The following KAT6B variants were observed in gnomAD, a reference collection of about 807,000 sequenced individuals.
KAT6B encodes the protein histone acetyltransferase KAT6B.
A neutral mutation model predicts 187.5 loss-of-function variants in KAT6B; 10 were observed. The observed-to-expected ratio is 0.05, with a 90% confidence interval of 0.03 to 0.09. The LOEUF (loss-of-function observed/expected upper bound fraction) is 0.09. Ranked by LOEUF, KAT6B falls within the 10% of genes least tolerant of loss-of-function variation. The probability of loss-of-function intolerance (pLI) is 1.00; values close to 1 mark genes in which losing one functional copy is unlikely to be tolerated. For synonymous variants in KAT6B, 861 were observed against 926.8 expected, an observed-to-expected ratio of 0.93 and a Z score of 1.29; for missense variants, 1,952 against 2,558.9, an observed-to-expected ratio of 0.76 and a Z score of 5.12.
intron 3 of KAT6B, among the ~76,000 whole-genome samples, chr10:74,895,361 A>ATATTATTATTATTAT (rs10693929): frequency 3.3e-5 from 5 of 149,420 alleles, no homozygotes; most frequent in African/African-American, 9.9e-5. Flanking sequence ...CCCTTTAATC[A>ATATTATTATTATTAT]TATTATTATT....
chr10:74,890,760 A>G (rs1031558912), intron 3 of KAT6B, among the ~76,000 whole-genome samples: 11 of 151,658 alleles, frequency 7.3e-5, no homozygotes, highest in Admixed American at 5.3e-4. Context: ...TTGGTTACCA[A>G]TTTTTTTTTG....
intron 12 of KAT6B, among the ~76,000 whole-genome samples, chr10:74,987,145 A>T (rs1842860095): frequency 6.6e-6 from 1 of 152,146 alleles, no homozygotes; most frequent in African/African-American, 2.4e-5. Context: ...ATGTTAAAAG[A>T]CTAGATGAGG....
At chr10:74,980,786 G>A (rs1842462399) in intron 10 of KAT6B, among the ~76,000 whole-genome samples, 1 of 152,222 alleles carries the variant, frequency 6.6e-6, no homozygotes, top group African/African-American at 2.4e-5. Flanking sequence ...GAAAAAGTCA[G>A]CAGGGAAGAG....
chr10:75,030,534 A>G lies in KAT6B; in HGVS notation c.5710A>G (p.Asn1904Asp), dbSNP rs1846236051. 1.2e-6 allele frequency: 2 copies of G among 1,607,890 alleles called. No individual in the cohort carries two copies. Among genetic ancestry groups the G allele is most frequent in the Non-Finnish European group, 1.7e-6 (2 of 1,175,334 alleles). ...PLLQRNMAAS[N>D]IGISHSQRLQ... ...TTTGCAACGGAACATGGCTGCATCA[A>G]ATATTGGCATCTCTCACAGCCAAAG... is the stretch of plus-strand genomic sequence containing the variant. Residue 1904 changes from asparagine (N) to aspartate (D), a missense_variant, in exon 18 of 18, where the codon AAT becomes GAT. Physicochemically the swap from Asn to Asp is conservative, Grantham distance 23. Coordinates refer to ENST00000287239, the MANE Select transcript of KAT6B (RefSeq NM_012330.4). This position sits in a 1 kb window ranked among gnomAD's most constrained non-coding sequence, Gnocchi z 4.8.
In KAT6B at chr10:74,838,706, C is replaced by G. The variant is rs1474944441; in HGVS notation, c.-305C>G. 1 of 152,190 alleles carries G rather than the reference C, an allele frequency of 6.6e-6. No individual in the cohort carries two copies. Among genetic ancestry groups the G allele is most frequent in the African/African-American group, 2.4e-5 (1 of 41,432 alleles). The allele number at this position is 152,190 out of a possible 1,614,324, so 9.4% of individuals were successfully genotyped here. ...AGATTTGCCTGAAGACCTGGATAAT[C>G]TCCATTTTTGTCATGGACTGTTAAA... On this transcript the variant is annotated 5_prime_UTR_variant, in exon 2 of 18. It adds an upstream start codon to the 5' untranslated region. Transcript: ENST00000287239.
chr10:75,002,278 A>T (rs1341169295), intron 13 of KAT6B, among the ~76,000 whole-genome samples: 2 of 151,994 alleles, frequency 1.3e-5, no homozygotes, highest in South Asian at 4.1e-4. Context: ...AGGCCCCACA[A>T]ACAAGCCTCA....
chr10:74,997,784 T>G (rs533272746), intron 13 of KAT6B, among the ~76,000 whole-genome samples: 1 of 152,040 alleles, frequency 6.6e-6, no homozygotes, highest in African/African-American at 2.4e-5. Flanking sequence ...ATCAAAAACA[T>G]CTAATGGTTT....
chr10:74,853,205 C>T (rs1015557971), intron 3 of KAT6B, among the ~76,000 whole-genome samples: 9 of 150,360 alleles, frequency 6.0e-5, no homozygotes, highest in African/African-American at 2.2e-4. Flanking sequence ...GCCTCGACCT[C>T]CCGGGCTCAA....
intron 3 of KAT6B, among the ~76,000 whole-genome samples, chr10:74,918,908 C>T (rs993539586): frequency 6.6e-6 from 1 of 152,030 alleles, no homozygotes; most frequent in Non-Finnish European, 1.5e-5. Context: ...TGTCTTTTCC[C>T]TGGCTGTCTT....
At chr10:74,895,677 C>T (rs949311965) in intron 3 of KAT6B, among the ~76,000 whole-genome samples, 5 of 152,040 alleles carry the variant, frequency 3.3e-5, no homozygotes, top group Non-Finnish European at 5.9e-5. Flanking sequence ...GTAGCTGGGA[C>T]TACAGGTGTG....
intron 3 of KAT6B, among the ~76,000 whole-genome samples, chr10:74,907,332 G>A (rs1240467988): frequency 2.0e-5 from 3 of 152,260 alleles, no homozygotes; most frequent in Non-Finnish European, 2.9e-5. Context: ...TCTCTTGAGA[G>A]GGTGTTACTG....
In KAT6B at chr10:75,030,662, C is replaced by A. The variant is rs1227105995; in HGVS notation, c.5838C>A (p.Arg1946=). The A allele has an allele frequency of 6.2e-7, 1 of 1,614,250 alleles. No homozygotes were observed. The highest frequency in any genetic ancestry group is 2.2e-5 in the East Asian group (1 of 44,892). Reference sequence around the variant, plus strand: ...CCCATCAGTCACAAATCTATGGGCGCTCCCAGACTGTAGCCATGCAGGGTC... The same window carrying A: ...CCCATCAGTCACAAATCTATGGGCGATCCCAGACTGTAGCCATGCAGGGTC... ...AATHQSQIYG[R]SQTVAMQGPA... Residue 1946 remains arginine, a synonymous_variant, in exon 18 of 18, where the codon CGC becomes CGA. Transcript: ENST00000287239. This position sits in a 1 kb window ranked among gnomAD's most constrained non-coding sequence, Gnocchi z 4.8.
chr10:74,999,434 A>G (rs1420972481), intron 13 of KAT6B, among the ~76,000 whole-genome samples: 1 of 152,060 alleles, frequency 6.6e-6, no homozygotes. Context: ...AACCAGGGGG[A>G]AGTGTATAGG....
At chr10:74,851,440 TCTC>T (rs2132171506) in intron 3 of KAT6B, among the ~76,000 whole-genome samples, 1 of 152,084 alleles carries the variant, frequency 6.6e-6, no homozygotes, top group East Asian at 1.9e-4. Context: ...TTCAAGCAAT[TCTC>T]CTGCCTCAGC....
rs1368469457 is a variant in KAT6B, at chr10:75,030,735, C to T, written c.5911C>T (p.Leu1971=). 2.5e-6 allele frequency: 4 copies of T among 1,614,086 alleles called. No individual in the cohort carries two copies. The highest frequency in any genetic ancestry group is 3.3e-5 in the Admixed American group (2 of 60,004). ...AAGAGGCATGAACATGAGTGTGAAC[C>T]TGATGCCAGCGCCAGCCTACAATGT... ...MQRGMNMSVN[L]MPAPAYNVNS... is the part of the protein sequence containing the mutation. Residue 1971 remains leucine, a synonymous_variant, in exon 18 of 18, where the codon CTG becomes TTG. Coordinates refer to ENST00000287239, the MANE Select transcript of KAT6B (RefSeq NM_012330.4). The surrounding 1 kb of genome is among the most constrained non-coding windows in gnomAD (Gnocchi z 4.8).
chr10:74,916,307 G>A (rs373858108), intron 3 of KAT6B, among the ~76,000 whole-genome samples: 1 of 152,102 alleles, frequency 6.6e-6, no homozygotes, highest in East Asian at 1.9e-4. Flanking sequence ...ATGTTTTATT[G>A]AATTGTGCTT....
rs574958791 is a variant in KAT6B at position 74,903,055 on chromosome 10, C to T, written c.622-56915C>T. On this transcript the variant is annotated intron_variant, in intron 3 of 17. Transcript: ENST00000287239. ...TAGCACTAAGAATATTGGAAAACAA[C>T]GGGGAAATATGCTAATTGCTTTTAA... Among the ~76,000 whole-genome samples, 308 of 152,224 alleles carry T rather than the reference C, an allele frequency of 2.0e-3. 1 individual carries two copies. The highest frequency in any genetic ancestry group is 7.0e-3 in the African/African-American group (292 of 41,548).
chr10:74,999,815 G>A (rs1306557991), intron 13 of KAT6B, among the ~76,000 whole-genome samples: 2 of 151,578 alleles, frequency 1.3e-5, no homozygotes, highest in Non-Finnish European at 3.0e-5. Context: ...AAAGTCATAA[G>A]AAGTATTCTT....
intron 3 of KAT6B, among the ~76,000 whole-genome samples, chr10:74,936,621 A>G (rs1408380709): frequency 2.0e-5 from 3 of 152,208 alleles, no homozygotes; most frequent in Non-Finnish European, 4.4e-5. Context: ...AATTTTAGAT[A>G]GGAAAATTGA....
Sources: allele counts gnomAD v4.1 joint callset (sites outside exome capture counted in the v4.1 genomes callset), GRCh38; gene constraint gnomAD v4.1.1; non-coding constraint Gnocchi (gnomAD v3.1); transcripts MANE v1.5; gene names NCBI Gene and HGNC (gene_info 2026-07-23, HGNC 2026-07-21).